NOL4: variants seen among roughly 807,000 people sequenced by gnomAD.
NOL4 encodes the protein nucleolar protein 4, also known as cancer/testis antigen 125.
NOL4 carries 17 observed loss-of-function variants against 75.9 expected under a neutral mutation model. That is an observed-to-expected ratio of 0.22 (90% CI 0.15 to 0.34). The LOEUF is 0.34. NOL4 is among the 10% of genes least tolerant of loss of function. NOL4 has a pLI of 1.00. For missense variants in NOL4, 614 were observed against 793.5 expected, an observed-to-expected ratio of 0.77 and a Z score of 2.72; for synonymous variants, 292 against 289.9, an observed-to-expected ratio of 1.01 and a Z score of -0.07.
intron 5 of NOL4, among the ~76,000 whole-genome samples, chr18:34,091,926 A>G (rs968376025): frequency 3.3e-5 from 5 of 152,150 alleles, no homozygotes; most frequent in Admixed American, 3.3e-4. Flanking sequence ...ATTAAAATCA[A>G]TATAGATTTA....
chr18:34,056,487 G>A (rs1458994503), intron 5 of NOL4, among the ~76,000 whole-genome samples: 1 of 152,014 alleles, frequency 6.6e-6, no homozygotes, highest in Non-Finnish European at 1.5e-5. Flanking sequence ...CAGCTCTGAG[G>A]ACCCACCATG....
Position 34,099,362 on chromosome 18 carries a change from C to CAAAAA in NOL4, c.639+4680_639+4684dup, listed in dbSNP as rs58940650. ...TAGGCAACAGAGTGAGACTTTGTCT[C>CAAAAA]AAAAAAAAAAAAAAAGACAACTACG... On this transcript the variant is annotated intron_variant, in intron 4 of 10. Coordinates refer to ENST00000261592, the MANE Select transcript of NOL4 (RefSeq NM_003787.5). Among the ~76,000 whole-genome samples, 64 of 80,022 alleles carry CAAAAA rather than the reference C, an allele frequency of 8.0e-4. 1 individual carries two copies. Among genetic ancestry groups the CAAAAA allele is most frequent in the South Asian group, 1.8e-3 (4 of 2,218 alleles). 52.5% of individuals were successfully genotyped at this position (80,022 alleles called of 152,430 possible). A position where few individuals can be genotyped will look rare whatever the true frequency, so the allele number is the denominator to read the frequency against.
chr18:34,182,024 C>T (rs1324330831), intron 1 of NOL4, among the ~76,000 whole-genome samples: 18 of 151,520 alleles, frequency 1.2e-4, no homozygotes, highest in Non-Finnish European at 1.5e-5. Flanking sequence ...TAAGCACAAA[C>T]TGACCATATG....
chr18:33,986,879 T>C (rs574963462), intron 6 of NOL4, among the ~76,000 whole-genome samples: 2 of 152,100 alleles, frequency 1.3e-5, no homozygotes, highest in East Asian at 1.9e-4. Flanking sequence ...TGTGCTTCAG[T>C]TGGTAAATAA....
At chr18:33,878,789 C>A (rs1267266388) in intron 10 of NOL4, among the ~76,000 whole-genome samples, 1 of 151,962 alleles carries the variant, frequency 6.6e-6, no homozygotes, top group Non-Finnish European at 1.5e-5. Context: ...CTGGTACTAC[C>A]AATTCAAATA....
chr18:33,950,722 G>A (rs1305117765), intron 8 of NOL4, among the ~76,000 whole-genome samples: 1 of 152,132 alleles, frequency 6.6e-6, no homozygotes, highest in Non-Finnish European at 1.5e-5. Context: ...ACAGAAGAAA[G>A]AGAGATTTGA....
At chr18:34,008,803 C>T (rs188787918) in intron 6 of NOL4, among the ~76,000 whole-genome samples, 8 of 152,032 alleles carry the variant, frequency 5.3e-5, no homozygotes, top group Admixed American at 5.2e-4. Context: ...AGACTCTATT[C>T]CAAATTAAGG....
chr18:34,189,097 T>G (rs937445069), intron 1 of NOL4, among the ~76,000 whole-genome samples: 1 of 152,186 alleles, frequency 6.6e-6, no homozygotes, highest in Non-Finnish European at 1.5e-5. Flanking sequence ...TTTATTTGGC[T>G]CGTGGTTGTG....
intron 1 of NOL4, among the ~76,000 whole-genome samples, chr18:34,133,454 A>AATAAT (rs1600688704): frequency 6.6e-6 from 1 of 151,632 alleles, no homozygotes; most frequent in South Asian, 2.1e-4. Flanking sequence ...TAAAGGTAAA[A>AATAAT]ATAATATAAT....
At chr18:33,935,426 AAGAG>A (rs1331088440) in intron 9 of NOL4, among the ~76,000 whole-genome samples, 2 of 152,098 alleles carry the variant, frequency 1.3e-5, no homozygotes, top group Non-Finnish European at 2.9e-5. Context: ...AGGCTGAAGA[AAGAG>A]AGAGACAGGG....
chr18:33,867,048 T>C (rs778097381), intron 10 of NOL4, among the ~76,000 whole-genome samples: 2 of 152,154 alleles, frequency 1.3e-5, no homozygotes, highest in African/African-American at 4.8e-5. Flanking sequence ...CTACCATTCA[T>C]AATTCAACTT....
At chr18:33,857,589 C>T (rs2062895027) in intron 10 of NOL4, among the ~76,000 whole-genome samples, 1 of 151,910 alleles carries the variant, frequency 6.6e-6, no homozygotes, top group Non-Finnish European at 1.5e-5. Flanking sequence ...TAGCCCTGAT[C>T]TGGAAAAAAA....
intron 10 of NOL4, among the ~76,000 whole-genome samples, chr18:33,862,030 C>T (rs1429697236): frequency 1.3e-5 from 2 of 152,084 alleles, no homozygotes; most frequent in East Asian, 1.9e-4. Context: ...TACTACAAGG[C>T]TACAGTAACC....
intron 1 of NOL4, chr18:34,222,480 G>A: frequency 1.0e-6 from 1 of 984,654 alleles, no homozygotes; most frequent in Non-Finnish European, 1.2e-6. Flanking sequence ...ACCTGACAGT[G>A]TCCTGGGGAA....
chr18:34,192,912 C>T (rs1010739123), intron 1 of NOL4, among the ~76,000 whole-genome samples: 7 of 152,130 alleles, frequency 4.6e-5, no homozygotes, highest in Non-Finnish European at 7.4e-5. Flanking sequence ...CTTTTTCATG[C>T]GCTCTTGCAC....
chr18:34,052,587 T>TC (rs2076669435), intron 5 of NOL4, among the ~76,000 whole-genome samples: 2 of 152,046 alleles, frequency 1.3e-5, no homozygotes, highest in African/African-American at 4.8e-5. Context: ...AATTATTTAT[T>TC]AAACAATCAT....
At chr18:34,102,793 G>A (rs976923040) in intron 4 of NOL4, among the ~76,000 whole-genome samples, 14 of 151,580 alleles carry the variant, frequency 9.2e-5, no homozygotes, top group Admixed American at 5.3e-4. Context: ...AATGAATCAT[G>A]AAGATAGTTT....
chr18:33,874,314 T>A (rs1045424288), intron 10 of NOL4, among the ~76,000 whole-genome samples: 2 of 151,908 alleles, frequency 1.3e-5, no homozygotes, highest in Non-Finnish European at 2.9e-5. Context: ...ACCATGAAAT[T>A]GTATTTCAAG....
rs2074919873 is a variant in NOL4 at position 34,019,580 on chromosome 18, A to T, written c.794T>A (p.Phe265Tyr). ...QQDDDSAAES[F>Y]NGNETLGHSS... ...GTGCCCCAGAGTCTCATTGCCATTA[A>T]AGCTCTCTGCAGCAGAATCATCTGT... Residue 265 changes from phenylalanine (F) to tyrosine (Y), a missense_variant, in exon 6 of 11, where the codon TTT becomes TAT. By Grantham distance (22) the Phe-to-Tyr change is conservative. Transcript: ENST00000261592. 1.9e-6 allele frequency: 3 copies of T among 1,613,154 alleles called. No individual in the cohort carries two copies. The highest frequency in any genetic ancestry group is 2.5e-6 in the Non-Finnish European group (3 of 1,179,402).
Sources: gnomAD v4.1 joint callset for allele counts (sites outside exome capture counted in the v4.1 genomes callset) on GRCh38, gnomAD v4.1.1 for gene constraint, MANE v1.5 for transcripts, NCBI Gene and HGNC (gene_info 2026-07-23, HGNC 2026-07-21) for gene names.